Variants in RAD51B observed in about 807,000 individuals in gnomAD.
RAD51B encodes RAD51 paralog B, also known as DNA repair protein RAD51 homolog 2.
Under a neutral mutation model 42.2 loss-of-function variants are expected in RAD51B, and 38 were observed. That is an observed-to-expected ratio of 0.90 (90% CI 0.70 to 1.18). The LOEUF (loss-of-function observed/expected upper bound fraction) is 1.18. Among genes scored for constraint, RAD51B ranks in the 50% most tolerant of loss-of-function variants. The pLI is 0.00. For missense variants in RAD51B, 373 were observed against 400.7 expected (o/e 0.93, Z 0.59); for synonymous variants, 154 against 145.2 (o/e 1.06, Z -0.43).
chr14:68,563,278 C>T (rs1889245293), intron 10 of RAD51B: 1 of 985,296 alleles, frequency 1.0e-6, no homozygotes, highest in South Asian at 4.7e-5. Flanking sequence ...CCAGAATGGG[C>T]CAAGCCGAGC....
intron 8 of RAD51B, among the ~76,000 whole-genome samples, chr14:68,312,787 G>C (rs2081987862): frequency 6.6e-6 from 1 of 152,206 alleles, no homozygotes; most frequent in South Asian, 2.1e-4. Flanking sequence ...ATGTTGCTAA[G>C]AGCAATTTCG....
downstream of RAD51B, chr14:68,596,142 G>T: frequency 1.6e-6 from 1 of 611,336 alleles, no homozygotes. Flanking sequence ...ACACTTCTGG[G>T]GCAAGAGGCA....
intron 7 of RAD51B, among the ~76,000 whole-genome samples, chr14:68,154,348 A>G (rs1252785965): frequency 1.3e-5 from 2 of 152,188 alleles, no homozygotes; most frequent in African/African-American, 4.8e-5. Flanking sequence ...TATTCTATCC[A>G]ATGCTTCATG....
chr14:68,563,436 G>A (rs938802697), intron 10 of RAD51B: 1 of 985,452 alleles, frequency 1.0e-6, no homozygotes, highest in Non-Finnish European at 1.2e-6. Context: ...AAAGAAAACA[G>A]GGAAGTGACA....
intron 9 of RAD51B, among the ~76,000 whole-genome samples, chr14:68,466,425 T>A (rs1341315219): frequency 2.6e-5 from 4 of 152,168 alleles, no homozygotes; most frequent in African/African-American, 9.7e-5. Flanking sequence ...TTGTCCAGAG[T>A]CACAGTTTTG....
At chr14:68,305,028 G>A (rs1371608404) in intron 8 of RAD51B, among the ~76,000 whole-genome samples, 1 of 152,154 alleles carries the variant, frequency 6.6e-6, no homozygotes, top group African/African-American at 2.4e-5. Flanking sequence ...AAAAACTATA[G>A]TGCTACTATA....
intron 8 of RAD51B, among the ~76,000 whole-genome samples, chr14:68,367,291 G>C (rs1361607673): frequency 1.3e-5 from 2 of 152,154 alleles, no homozygotes; most frequent in African/African-American, 2.4e-5. Context: ...CCCTTCCTTA[G>C]TCATAATTTT....
chr14:68,357,027 T>C (rs2082923668), intron 8 of RAD51B, among the ~76,000 whole-genome samples: 1 of 151,970 alleles, frequency 6.6e-6, no homozygotes, highest in Admixed American at 6.5e-5. Context: ...GTTTGCCTTA[T>C]GGATTGACTC....
At chr14:68,224,311 T>C (rs972745754) in intron 7 of RAD51B, among the ~76,000 whole-genome samples, 1 of 152,206 alleles carries the variant, frequency 6.6e-6, no homozygotes, top group South Asian at 2.1e-4. Flanking sequence ...TATTGTACAA[T>C]AGTATCTCTC....
intron 7 of RAD51B, among the ~76,000 whole-genome samples, chr14:67,899,129 G>A (rs111493212): frequency 0.052 from 7,929 of 151,850 alleles, 560 homozygotes; most frequent in African/African-American, 0.16. Flanking sequence ...TGCAACCTCC[G>A]CCTCCCGGGC....
At chr14:68,172,832 A>G (rs916317948) in intron 7 of RAD51B, among the ~76,000 whole-genome samples, 1 of 152,158 alleles carries the variant, frequency 6.6e-6, no homozygotes, top group Non-Finnish European at 1.5e-5. Flanking sequence ...TGAATGATTA[A>G]CTAGTATTGG....
At chr14:68,011,787 G>T (rs576512742) in intron 7 of RAD51B, among the ~76,000 whole-genome samples, 2 of 152,152 alleles carry the variant, frequency 1.3e-5, no homozygotes, top group African/African-American at 4.8e-5. Flanking sequence ...TGATTAAGCT[G>T]TGTGTAGACA....
At chr14:68,544,550 G>A (rs966082537) in intron 10 of RAD51B, among the ~76,000 whole-genome samples, 1 of 152,212 alleles carries the variant, frequency 6.6e-6, no homozygotes, top group Non-Finnish European at 1.5e-5. Context: ...GAACCAGAGT[G>A]AATAAAATAA....
At chr14:68,409,045 G>T (rs1048133011) in intron 8 of RAD51B, among the ~76,000 whole-genome samples, 3 of 152,142 alleles carry the variant, frequency 2.0e-5, no homozygotes, top group African/African-American at 7.2e-5. Flanking sequence ...ATGGCCAGTG[G>T]GTGTGGGATT....
intron 7 of RAD51B, among the ~76,000 whole-genome samples, chr14:67,896,439 C>A (rs935580486): frequency 6.6e-6 from 1 of 152,142 alleles, no homozygotes; most frequent in Non-Finnish European, 1.5e-5. Flanking sequence ...AGATTTTATA[C>A]GAAGAGCTGT....
At chr14:68,225,824 G>A (rs1362233663) in intron 7 of RAD51B, among the ~76,000 whole-genome samples, 1 of 152,176 alleles carries the variant, frequency 6.6e-6, no homozygotes, top group Admixed American at 6.5e-5. Flanking sequence ...AACACAAGAG[G>A]CTTAAACTGC....
intron 8 of RAD51B, among the ~76,000 whole-genome samples, chr14:68,320,529 C>A (rs1283739885): frequency 6.6e-6 from 1 of 152,214 alleles, no homozygotes. Context: ...GCAGAGCTAC[C>A]GTAGTATTCA....
At chr14:68,239,339 GA>G (rs2080334578) in intron 7 of RAD51B, among the ~76,000 whole-genome samples, 1 of 152,124 alleles carries the variant, frequency 6.6e-6, no homozygotes, top group African/African-American at 2.4e-5. Context: ...CAAACACTGA[GA>G]AATCCTAAGT....
intron 7 of RAD51B, among the ~76,000 whole-genome samples, chr14:68,002,220 CT>C (rs1414209952): frequency 6.6e-6 from 1 of 152,036 alleles, no homozygotes; most frequent in Non-Finnish European, 1.5e-5. Flanking sequence ...TGTTTTTTGA[CT>C]TTTTAATAAT....
Sources: gnomAD v4.1 joint callset for allele counts (sites outside exome capture counted in the v4.1 genomes callset) on GRCh38, gnomAD v4.1.1 for gene constraint, MANE v1.5 for transcripts, NCBI Gene and HGNC (gene_info 2026-07-23, HGNC 2026-07-21) for gene names.